DNM1L: variants seen among roughly 807,000 people sequenced by gnomAD.
The protein encoded by DNM1L is dynamin 1L.
A neutral mutation model predicts 92.8 loss-of-function variants in DNM1L; 33 were observed. That is an observed-to-expected ratio of 0.36 (90% CI 0.27 to 0.48). The LOEUF is 0.48. Ranked by LOEUF, DNM1L falls within the 20% of genes least tolerant of loss-of-function variation. The probability of loss-of-function intolerance (pLI) is 0.99; values close to 1 mark genes in which losing one functional copy is unlikely to be tolerated. For synonymous variants in DNM1L, 284 were observed against 305.0 expected, an observed-to-expected ratio of 0.93 and a Z score of 0.72; for missense variants, 485 against 888.8, an observed-to-expected ratio of 0.55 and a Z score of 5.78.
At position 32,679,335 on chromosome 12, in the gene DNM1L, G is replaced by A. The variant is rs1459554805; in HGVS notation, c.-29G>A. On this transcript the variant is annotated 5_prime_UTR_variant, in exon 1 of 20. Coordinates refer to ENST00000549701, the MANE Select transcript of DNM1L (RefSeq NM_012062.5). Reference sequence around the variant, plus strand: ...GGCCCCATTCATTGCCGTGGCCGGCGGGCACTGGGGCCCCGTGTTTTCAGA... The same window carrying A: ...GGCCCCATTCATTGCCGTGGCCGGCAGGCACTGGGGCCCCGTGTTTTCAGA... The A allele has an allele frequency of 2.7e-6, 4 of 1,506,240 alleles. No individual in the cohort carries two copies. The Admixed American group carries it at 6.8e-5, about 26-fold the overall frequency. The allele number at this position is 1,506,240 out of a possible 1,614,324, so 93.3% of individuals were successfully genotyped here. A position where few individuals can be genotyped will look rare whatever the true frequency, so the allele number is the denominator to read the frequency against.
At chr12:32,741,975 A>G (rs189935585) in intron 18 of DNM1L, among the ~76,000 whole-genome samples, 1 of 152,288 alleles carries the variant, frequency 6.6e-6, no homozygotes, top group Admixed American at 6.5e-5. Flanking sequence ...GATTATGTAG[A>G]TATACTGTGT....
In DNM1L at chr12:32,743,643, C is replaced by T; in HGVS notation, c.*233C>T. The T allele has an allele frequency of 1.9e-6, 1 of 530,116 alleles. No individual in the cohort carries two copies. Among genetic ancestry groups the T allele is most frequent in the Non-Finnish European group, 3.4e-6 (1 of 297,444 alleles). 32.8% of individuals were successfully genotyped at this position (530,116 alleles called of 1,614,324 possible). On this transcript the variant is annotated 3_prime_UTR_variant, in exon 20 of 20. Coordinates refer to ENST00000549701, the MANE Select transcript of DNM1L (RefSeq NM_012062.5). ...CCAGTATATATAAAATACATCAAGT[C>T]TGTCTTGTGACAGTTTCATCTGAAC... is the stretch of plus-strand genomic sequence containing the variant.
intron 2 of DNM1L, among the ~76,000 whole-genome samples, chr12:32,704,856 C>T (rs956343379): frequency 6.6e-6 from 1 of 152,134 alleles, no homozygotes; most frequent in African/African-American, 2.4e-5. Flanking sequence ...CTTATATAGT[C>T]CAGTCTTAGC....
At chr12:32,706,917 A>T (rs892135344) in intron 2 of DNM1L, 7 of 263,582 alleles carry the variant, frequency 2.7e-5, no homozygotes, top group Non-Finnish European at 4.5e-5. Context: ...CATCTGTTAC[A>T]TATGTTTTTT....
At chr12:32,720,557 AAC>A in intron 7 of DNM1L, 105 bp from the exon 8 acceptor site, 3 of 1,487,930 alleles carry the variant, frequency 2.0e-6, no homozygotes, top group South Asian at 1.1e-5. Flanking sequence ...AATTAAATAA[AAC>A]AGTCCCTGTC....
intron 1 of DNM1L, chr12:32,679,698 C>T (rs968278258): frequency 1.4e-4 from 167 of 1,223,304 alleles, no homozygotes; most frequent in Middle Eastern, 3.3e-4. Flanking sequence ...GCGGAGCCGG[C>T]GCGGCGGGCC....
chr12:32,724,589 AAAAAATATAT>A (rs1254479080), intron 9 of DNM1L, among the ~76,000 whole-genome samples: 6,855 of 80,522 alleles, frequency 0.085, 143 homozygotes, highest in Middle Eastern at 0.12. Context: ...AAAAAAAAAA[AAAAAATATAT>A]ATATATATAT....
intron 4 of DNM1L, 125 bp from the exon 5 acceptor site, chr12:32,710,804 A>C: frequency 5.0e-6 from 4 of 798,824 alleles, no homozygotes; most frequent in Non-Finnish European, 7.6e-6. Context: ...TTTGATTGTT[A>C]AAAAAAAGTT....
At chr12:32,694,005 G>A (rs1036420021) in intron 1 of DNM1L, among the ~76,000 whole-genome samples, 23 of 152,022 alleles carry the variant, frequency 1.5e-4, no homozygotes, top group Non-Finnish European at 2.6e-4. Flanking sequence ...GTATCCATTA[G>A]TAGTCACTCC....
intron 1 of DNM1L, among the ~76,000 whole-genome samples, chr12:32,691,784 TG>T (rs1952244556): frequency 6.6e-6 from 1 of 152,134 alleles, no homozygotes; most frequent in Admixed American, 6.6e-5. Flanking sequence ...TAAGAGCACT[TG>T]GAGCAGATGA....
chr12:32,741,897 C>T (rs933791336), intron 18 of DNM1L, among the ~76,000 whole-genome samples: 1 of 152,074 alleles, frequency 6.6e-6, no homozygotes, highest in East Asian at 1.9e-4. Flanking sequence ...AATGAAATCA[C>T]CTAATAATGC....
At chr12:32,699,272 G>A (rs11052188) in intron 1 of DNM1L, among the ~76,000 whole-genome samples, 23,428 of 152,108 alleles carry the variant, frequency 0.15, 1,907 homozygotes, top group Middle Eastern at 0.21. Context: ...CACTGTTACC[G>A]TTCTTGCAAC....
In DNM1L at chr12:32,742,750, T is replaced by C; in HGVS notation, c.2154+2T>C. On this transcript the variant is annotated splice_donor_variant, in intron 19 of 19. Coordinates refer to ENST00000549701, the MANE Select transcript of DNM1L (RefSeq NM_012062.5). LOFTEE classifies it high-confidence loss of function. The stretch of plus-strand genomic sequence containing the variant: ...AAAGAAGCAGCTGATATGCTAAAGG[T>C]ATTGTGGACCTTTTGATTTTTTATA... The C allele has an allele frequency of 6.2e-7, 1 of 1,614,062 alleles. No homozygotes were observed. The highest frequency in any genetic ancestry group is 8.5e-7 in the Non-Finnish European group (1 of 1,180,016).
intron 2 of DNM1L, among the ~76,000 whole-genome samples, chr12:32,702,389 A>G (rs1299508958): frequency 1.3e-5 from 2 of 152,138 alleles, no homozygotes; most frequent in African/African-American, 4.8e-5. Context: ...ACTTATATTA[A>G]TGAGGTTTGA....
chr12:32,691,967 A>G (rs1007433279), intron 1 of DNM1L, among the ~76,000 whole-genome samples: 1 of 148,810 alleles, frequency 6.7e-6, no homozygotes, highest in African/African-American at 2.5e-5. Context: ...AGGAGGGAGG[A>G]AAAAAAAAAG....
rs563708927 is a variant in DNM1L, at chr12:32,727,175, T to C, written c.1080-3839T>C. ...CTGGTTTCCATTCACATTCTTCCTC[T>C]GTAGGTTCATAAATTGTATTAGTAA... On this transcript the variant is annotated intron_variant, in intron 9 of 19. Coordinates refer to ENST00000549701, the MANE Select transcript of DNM1L (RefSeq NM_012062.5). The C allele has an allele frequency of 2.5e-4, 224 of 881,836 alleles. No individual in the cohort carries two copies. The African/African-American group carries it at 3.2e-3, about 13-fold the overall frequency. The allele number at this position is 881,836 out of a possible 1,614,324, so 54.6% of individuals were successfully genotyped here. A position where few individuals can be genotyped will look rare whatever the true frequency, so the allele number is the denominator to read the frequency against.
rs376592680 is a variant in DNM1L at position 32,690,589 on chromosome 12, C to G, written c.103-10826C>G. On this transcript the variant is annotated intron_variant, in intron 1 of 19. Transcript: ENST00000549701. ...AGTTGAAGACTACTGGGTTATAATT[C>G]ATCCCTGTTACTTGTTACCTAATTA... is the stretch of plus-strand genomic sequence containing the variant. Among the ~76,000 whole-genome samples, 15 of 152,298 alleles carry G rather than the reference C, an allele frequency of 9.8e-5. 3 individuals carry two copies. The highest frequency in any genetic ancestry group is 1.3e-4 in the Admixed American group (2 of 15,300).
chr12:32,726,063 A>G (rs1432113796), intron 9 of DNM1L, among the ~76,000 whole-genome samples: 2 of 149,254 alleles, frequency 1.3e-5, no homozygotes, highest in African/African-American at 4.9e-5. Context: ...AAAAATTACG[A>G]AAAAAAAAAG....
Position 32,744,079 on chromosome 12 carries a change from A to G in DNM1L, c.*669A>G, listed in dbSNP as rs914177780. 1.3e-5 allele frequency: 2 copies of G among 152,364 alleles called. No individual in the cohort carries two copies. Among genetic ancestry groups the G allele is most frequent in the African/African-American group, 4.8e-5 (2 of 41,464 alleles). The allele number at this position is 152,364 out of a possible 1,614,324, so 9.4% of individuals were successfully genotyped here. A position where few individuals can be genotyped will look rare whatever the true frequency, so the allele number is the denominator to read the frequency against. On this transcript the variant is annotated 3_prime_UTR_variant, in exon 20 of 20. Coordinates refer to ENST00000549701, the MANE Select transcript of DNM1L (RefSeq NM_012062.5). ...AGCAAATTAAAATATGCTTTGATTC[A>G]TACTTAAACCTGAAAGCAGGAATGC... is the stretch of plus-strand genomic sequence containing the variant.
Sources: allele counts gnomAD v4.1 joint callset (sites outside exome capture counted in the v4.1 genomes callset), GRCh38; gene constraint gnomAD v4.1.1; transcripts MANE v1.5; gene names NCBI Gene and HGNC (gene_info 2026-07-23, HGNC 2026-07-21).